NRDE2: variants seen among roughly 807,000 people sequenced by gnomAD.
NRDE2 encodes the protein NRDE-2, necessary for RNA interference, domain containing, also known as nuclear exosome regulator NRDE2.
A neutral mutation model predicts 124.2 loss-of-function variants in NRDE2; 76 were observed. The observed-to-expected ratio is 0.61, with a 90% CI of 0.51 to 0.74. The LOEUF (loss-of-function observed/expected upper bound fraction) is 0.74, where lower values mean the gene tolerates loss of function less well. Ranked by LOEUF, NRDE2 falls within the 30% of genes least tolerant of loss-of-function variation. NRDE2 has a pLI of 0.00. For synonymous variants in NRDE2, 489 were observed against 528.1 expected, an observed-to-expected ratio of 0.93 and a Z score of 1.01; for missense variants, 1,314 against 1,417.3, an observed-to-expected ratio of 0.93 and a Z score of 1.17.
rs924428940 is a variant in NRDE2, at chr14:90,321,346, C to T, written c.65-3233G>A. ...CCTCCCAAGCAGCTGGGACTATAGGCGTGCCACCACTGTGCCAGGCTTTTG... is the reference window on the plus strand; with the variant it reads ...CCTCCCAAGCAGCTGGGACTATAGGTGTGCCACCACTGTGCCAGGCTTTTG... On this transcript the variant is annotated intron_variant, in intron 1 of 13. Coordinates refer to ENST00000354366, the MANE Select transcript of NRDE2 (RefSeq NM_017970.4). Among the ~76,000 whole-genome samples, 8 of 152,024 alleles carry T rather than the reference C, an allele frequency of 5.3e-5. No homozygotes were observed. The Middle Eastern group carries it at 0.01, about 195-fold the overall frequency.
chr14:90,278,270 G>C lies in NRDE2; in HGVS notation c.*66C>G. The C allele has an allele frequency of 6.3e-7, 1 of 1,595,066 alleles. No homozygotes were observed. Among genetic ancestry groups the C allele is most frequent in the Non-Finnish European group, 8.6e-7 (1 of 1,164,692 alleles). Reference sequence around the variant, plus strand: ...CTCCTAACACACACGTTCTCTGCTCGCGCCTCCTAGCTCCGCAGGGTGGGC... The same window carrying C: ...CTCCTAACACACACGTTCTCTGCTCCCGCCTCCTAGCTCCGCAGGGTGGGC... On this transcript the variant is annotated 3_prime_UTR_variant, in exon 14 of 14. Transcript: ENST00000354366.
chr14:90,293,263 T>C (rs1892323828), intron 8 of NRDE2, among the ~76,000 whole-genome samples: 1 of 152,100 alleles, frequency 6.6e-6, no homozygotes, highest in Non-Finnish European at 1.5e-5. Flanking sequence ...CTTTTTTTTT[T>C]TTCTGAGATG....
chr14:90,285,360 G>GGCAT (rs1188620252), intron 12 of NRDE2, among the ~76,000 whole-genome samples: 1 of 143,700 alleles, frequency 7.0e-6, no homozygotes, highest in East Asian at 2.1e-4. Context: ...GGAGTAGAGT[G>GGCAT]GCATGACCTT....
Position 90,304,015 on chromosome 14 carries a change from C to G in NRDE2, c.925G>C (p.Ala309Pro), listed in dbSNP as rs1400351785. ...QPDSESAALK[A>P]KVEEFNRRVR... ...CTCCTGTTAAACTCCTCCACCTTGG[C>G]CTTGAGAGCCGCACTCTCGCTGTCT... The change falls in exon 5 of 14, where the codon GCC becomes CCC. Residue 309 changes from alanine to proline, a missense_variant. Ala to Pro is a conservative substitution (Grantham distance 27, BLOSUM62 -1). Coordinates refer to ENST00000354366, the MANE Select transcript of NRDE2 (RefSeq NM_017970.4). 1.9e-6 allele frequency: 3 copies of G among 1,613,922 alleles called. No homozygotes were observed. The highest frequency in any genetic ancestry group is 2.5e-6 in the Non-Finnish European group (3 of 1,179,934).
chr14:90,326,149 T>C (rs1885423972), intron 1 of NRDE2, among the ~76,000 whole-genome samples: 1 of 151,974 alleles, frequency 6.6e-6, no homozygotes, highest in East Asian at 1.9e-4. Context: ...CTCTATAGAG[T>C]GTAGAGCGAT....
rs1891780688 is a variant in NRDE2, at chr14:90,275,333, T to C, written c.*3003A>G. ...TCTGTATCGTGGGCGGGTAGCAGAC[T>C]CTCAGCAACTGACTCACACGGTTCA... On this transcript the variant is annotated 3_prime_UTR_variant, in exon 14 of 14. Coordinates refer to ENST00000354366, the MANE Select transcript of NRDE2 (RefSeq NM_017970.4). 1.3e-5 allele frequency: 2 copies of C among 152,130 alleles called. No individual in the cohort carries two copies. The highest frequency in any genetic ancestry group is 1.3e-4 in the Admixed American group (2 of 15,272). The allele number at this position is 152,130 out of a possible 1,614,324, so 9.4% of individuals were successfully genotyped here.
At chr14:90,317,858 A>G (rs924589967) in intron 2 of NRDE2, 147 bp downstream of exon 2, 41 of 571,966 alleles carry the variant, frequency 7.2e-5, no homozygotes, top group African/African-American at 7.1e-4. Flanking sequence ...ACAAGAGGTA[A>G]GGGAAAATAG....
chr14:90,288,668 G>C lies in NRDE2; in HGVS notation c.2707C>G (p.Leu903Val), dbSNP rs1892181295. The C allele has an allele frequency of 6.2e-7, 1 of 1,614,180 alleles. No homozygotes were observed. The highest frequency in any genetic ancestry group is 8.5e-7 in the Non-Finnish European group (1 of 1,180,038). Residue 903 changes from leucine to valine, a missense_variant, in exon 11 of 14, where the codon CTA becomes GTA. Physicochemically the swap from Leu to Val is conservative, Grantham distance 32. Coordinates refer to ENST00000354366, the MANE Select transcript of NRDE2 (RefSeq NM_017970.4). ...NPAPTDSCSRLISLAKCFMLF... is the reference protein window; with the variant it reads ...NPAPTDSCSRVISLAKCFMLF... ...ATGAAGCATTTAGCCAGGCTAATTA[G>C]GCGGCTACAGGAATCGGTGGGAGCT...
intron 5 of NRDE2, among the ~76,000 whole-genome samples, chr14:90,303,539 G>GCC: frequency 6.6e-6 from 1 of 152,270 alleles, no homozygotes; most frequent in East Asian, 1.9e-4. Context: ...ACACTGAACA[G>GCC]CCCTCTCTCT....
At chr14:90,306,135 T>C (rs1884591013) in intron 4 of NRDE2, among the ~76,000 whole-genome samples, 1 of 152,180 alleles carries the variant, frequency 6.6e-6, no homozygotes, top group South Asian at 2.1e-4. Context: ...TCTTTCAACT[T>C]TTGCTGTATA....
chr14:90,287,993 CA>C (rs961899151), intron 11 of NRDE2, among the ~76,000 whole-genome samples: 2 of 152,214 alleles, frequency 1.3e-5, no homozygotes, highest in Non-Finnish European at 2.9e-5. Flanking sequence ...CCCAGAAGCA[CA>C]CCCAGGCGAC....
chr14:90,268,101 C>T lies in NRDE2; in HGVS notation c.*10235G>A. The T allele has an allele frequency of 4.3e-6, 3 of 699,860 alleles. No homozygotes were observed. The highest frequency in any genetic ancestry group is 1.8e-5 in the African/African-American group (1 of 55,506). 43.4% of individuals were successfully genotyped at this position (699,860 alleles called of 1,614,324 possible). On this transcript the variant is annotated 3_prime_UTR_variant, in exon 14 of 14. Transcript: ENST00000354366. ...AATGTCGTGACACTTGAATTGGTGC[C>T]ATGCCTTAGCATGAGGGCCCGCCTG... is the stretch of plus-strand genomic sequence containing the variant.
intron 12 of NRDE2, among the ~76,000 whole-genome samples, chr14:90,284,005 TCA>T (rs1479467155): frequency 6.6e-6 from 1 of 151,590 alleles, no homozygotes; most frequent in African/African-American, 2.4e-5. Context: ...GCCACCACAC[TCA>T]GACTTGGTAA....
In NRDE2 at chr14:90,302,846, A is replaced by C. The variant is rs112277200; in HGVS notation, c.1285T>G (p.Phe429Val). 6.2e-7 allele frequency: 1 copy of C among 1,614,090 alleles called. No individual in the cohort carries two copies. The highest frequency in any genetic ancestry group is 8.5e-7 in the Non-Finnish European group (1 of 1,180,032). The change falls in exon 6 of 14, where the codon TTT becomes GTT. Residue 429 changes from phenylalanine (F) to valine (V), a missense_variant. Physicochemically the swap from Phe to Val is conservative, Grantham distance 50. Coordinates refer to ENST00000354366, the MANE Select transcript of NRDE2 (RefSeq NM_017970.4). ...QKYLLFCQSQFSTFSISKIHS... is the reference protein window; with the variant it reads ...QKYLLFCQSQVSTFSISKIHS... ...ATTTTTGATATCGAAAAGGTACTAA[A>C]CTGGCTCTGGCAAAATAAAAGGTAT...
At position 90,289,540 on chromosome 14, in the gene NRDE2, C is replaced by T. The variant is rs1892211610; in HGVS notation, c.2230-395G>A. Among the ~76,000 whole-genome samples, 3 of 152,192 alleles carry T rather than the reference C, an allele frequency of 2.0e-5. No homozygotes were observed. The South Asian group carries it at 6.2e-4, about 31-fold the overall frequency. The stretch of plus-strand genomic sequence containing the variant: ...GCCAGCAGAGGACAGAACAGCTGAT[C>T]CAGACTCATTTCTAGCAGAAACAGG... On this transcript the variant is annotated intron_variant, in intron 10 of 13. Transcript: ENST00000354366.
intron 4 of NRDE2, among the ~76,000 whole-genome samples, chr14:90,309,009 G>A (rs1205214127): frequency 6.6e-6 from 1 of 152,094 alleles, no homozygotes; most frequent in East Asian, 1.9e-4. Flanking sequence ...TTGGGAGGCT[G>A]GGATGGGCGG....
At chr14:90,317,921 G>T in intron 2 of NRDE2, 84 bp downstream of exon 2, 1 of 908,454 alleles carries the variant, frequency 1.1e-6, no homozygotes, top group South Asian at 1.7e-5. Context: ...TCTTTTATTA[G>T]AGTTTTCTAA....
In NRDE2 at chr14:90,322,370, A is replaced by G. The variant is rs149191886; in HGVS notation, c.65-4257T>C. Among the ~76,000 whole-genome samples the G allele has an allele frequency of 9.0e-4, 137 of 152,290 alleles. 1 individual carries two copies. Among genetic ancestry groups the G allele is most frequent in the Admixed American group, 4.3e-3 (66 of 15,304 alleles). On this transcript the variant is annotated intron_variant, in intron 1 of 13. Coordinates refer to ENST00000354366, the MANE Select transcript of NRDE2 (RefSeq NM_017970.4). ...TCCCAAACTCCATGAGGGCAGGGCC[A>G]TGACTATTCACTACTGTATTCCCAA...
Position 90,286,483 on chromosome 14 carries a change from AC to A in NRDE2, c.3167del (p.Gly1056ValfsTer13), listed in dbSNP as rs765206507. On this transcript the variant is annotated frameshift_variant, in exon 12 of 14. Transcript: ENST00000354366. LOFTEE classifies it high-confidence loss of function. ...RLVETVQRLD[G>X]REIHATIPET... is the part of the protein sequence containing the mutation. ...CAGGAATTGTGGCGTGGATCTCTCT[AC>A]CGTCTAACCTGCAAGGCAAAGGCTC... 1.8e-5 allele frequency: 29 copies of A among 1,611,368 alleles called. No individual in the cohort carries two copies. In the South Asian group the frequency reaches 3.2e-4, roughly 18 times the overall value.
Sources: allele counts gnomAD v4.1 joint callset (sites outside exome capture counted in the v4.1 genomes callset), GRCh38; gene constraint gnomAD v4.1.1; transcripts MANE v1.5; gene names NCBI Gene and HGNC (gene_info 2026-07-23, HGNC 2026-07-21).